PTPRC: variants seen among roughly 807,000 people sequenced by gnomAD.
PTPRC encodes protein tyrosine phosphatase receptor type C, also known as receptor-type tyrosine-protein phosphatase C.
In PTPRC, 44 loss-of-function variants were observed where a neutral mutation model predicts 155.9. The observed-to-expected ratio is 0.28, with a 90% CI of 0.22 to 0.36. The LOEUF is 0.36. Among genes scored for constraint, PTPRC ranks in the 10% least tolerant of loss-of-function variants. The pLI is 1.00. For synonymous variants in PTPRC, 525 were observed against 533.1 expected (o/e 0.98, Z 0.21); for missense variants, 1,401 against 1,564.6 (o/e 0.90, Z 1.76).
Position 198,643,094 on chromosome 1 carries a change from T to C in PTPRC, c.73+3753T>C, listed in dbSNP as rs1662727038. 2.0e-5 allele frequency among the ~76,000 whole-genome samples: 3 copies of C among 151,840 alleles called. No individual in the cohort carries two copies. In the Admixed American group the frequency reaches 2.0e-4, roughly 10 times the overall value. Reference sequence around the variant, plus strand: ...GCAAATCCTACTTCTTCTATTATGTTCTCTTATGTCACTTTTGCCACAAAA... The same window carrying C: ...GCAAATCCTACTTCTTCTATTATGTCCTCTTATGTCACTTTTGCCACAAAA... On this transcript the variant is annotated intron_variant, in intron 2 of 32. Transcript: ENST00000442510.
intron 8 of PTPRC, among the ~76,000 whole-genome samples, chr1:198,705,425 T>G (rs558965769): frequency 1.7e-4 from 25 of 151,008 alleles, no homozygotes; most frequent in African/African-American, 5.6e-4. Flanking sequence ...TCGTTAGTTC[T>G]TTCTTTCTTT....
At chr1:198,656,646 GTTTTTTGTT>G (rs978689094) in intron 2 of PTPRC, among the ~76,000 whole-genome samples, 1 of 86,514 alleles carries the variant, frequency 1.2e-5, no homozygotes, top group Non-Finnish European at 2.2e-5. Flanking sequence ...CTAGTTTTTT[GTTTTTTGTT>G]TTTTTTTTTT....
At chr1:198,755,396 T>TATC (rs1450753041) in intron 32 of PTPRC, among the ~76,000 whole-genome samples, 1 of 152,112 alleles carries the variant, frequency 6.6e-6, no homozygotes, top group African/African-American at 2.4e-5. Flanking sequence ...CTTAAAAATG[T>TATC]ATCAAATGCT....
At chr1:198,650,337 G>C (rs1188052666) in intron 2 of PTPRC, among the ~76,000 whole-genome samples, 1 of 151,860 alleles carries the variant, frequency 6.6e-6, no homozygotes, top group Non-Finnish European at 1.5e-5. Flanking sequence ...GAATAGATTG[G>C]AAGTAAGGCA....
intron 2 of PTPRC, among the ~76,000 whole-genome samples, chr1:198,652,713 C>A (rs1332115279): frequency 2.0e-5 from 3 of 151,622 alleles, no homozygotes; most frequent in Non-Finnish European, 4.4e-5. Context: ...AGAGAGGGAA[C>A]CCAGGAGTCC....
chr1:198,643,993 A>G (rs1031366829), intron 2 of PTPRC, among the ~76,000 whole-genome samples: 19 of 151,848 alleles, frequency 1.3e-4, no homozygotes, highest in Non-Finnish European at 1.5e-4. Context: ...AGGGGCAGAG[A>G]TTTGTACTGA....
chr1:198,664,968 G>T (rs1283163595), intron 2 of PTPRC, among the ~76,000 whole-genome samples: 1 of 151,852 alleles, frequency 6.6e-6, no homozygotes, highest in Non-Finnish European at 1.5e-5. Flanking sequence ...TAATGTTCTC[G>T]GGACTACCAT....
At position 198,732,389 on chromosome 1, in the gene PTPRC, T is replaced by G. The variant is rs1040456149; in HGVS notation, c.2064T>G (p.Pro688=). The G allele has an allele frequency of 1.2e-6, 2 of 1,609,708 alleles. No homozygotes were observed. The stretch of plus-strand genomic sequence containing the variant: ...AAAACCGTTATGTTGACATTCTTCC[T>G]TGTGAGTATTTATTGAGTGCTGAAT... ...QNKNRYVDIL[P]YDYNRVELSE... is the part of the protein sequence containing the mutation. The change falls in exon 19 of 33, where the codon CCT becomes CCG. Residue 688 remains proline, a splice_region_variant and synonymous_variant. Transcript: ENST00000442510.
At chr1:198,649,060 A>G (rs146070315) in intron 2 of PTPRC, among the ~76,000 whole-genome samples, 1 of 151,968 alleles carries the variant, frequency 6.6e-6, no homozygotes, top group Non-Finnish European at 1.5e-5. Context: ...AAGCATATTA[A>G]GTGAACCAGG....
chr1:198,724,641 C>T (rs532022819), intron 15 of PTPRC, among the ~76,000 whole-genome samples: 2 of 151,882 alleles, frequency 1.3e-5, no homozygotes, highest in East Asian at 1.9e-4. Context: ...GTCTTATTTT[C>T]CTGAATCCAA....
intron 5 of PTPRC, 23 bp from the exon 6 acceptor site, chr1:198,702,364 G>T: frequency 6.2e-7 from 1 of 1,614,180 alleles, no homozygotes; most frequent in South Asian, 1.1e-5. Flanking sequence ...AAGTGACAGT[G>T]CTGATGGCCC....
At chr1:198,751,599 T>C (rs1231070004) in intron 29 of PTPRC, among the ~76,000 whole-genome samples, 1 of 152,054 alleles carries the variant, frequency 6.6e-6, no homozygotes, top group African/African-American at 2.4e-5. Context: ...CTTTCCTTCA[T>C]ATAAATTGTG....
At chr1:198,720,210 T>C (rs1558021176) in intron 14 of PTPRC, among the ~76,000 whole-genome samples, 1 of 152,180 alleles carries the variant, frequency 6.6e-6, no homozygotes, top group Non-Finnish European at 1.5e-5. Context: ...GTAGAGACGG[T>C]GTTGGCATAG....
intron 15 of PTPRC, 36 bp downstream of exon 15, chr1:198,722,512 A>G: frequency 8.6e-7 from 1 of 1,162,572 alleles, no homozygotes; most frequent in Non-Finnish European, 1.1e-6. Context: ...ATATATATTA[A>G]GATATATATT....
intron 12 of PTPRC, among the ~76,000 whole-genome samples, chr1:198,713,489 G>T (rs986871450): frequency 6.6e-6 from 1 of 152,058 alleles, no homozygotes; most frequent in African/African-American, 2.4e-5. Context: ...AAAATGTTGG[G>T]TGAATAAAAA....
chr1:198,711,798 T>C (rs1254709099), intron 11 of PTPRC, among the ~76,000 whole-genome samples: 1 of 152,076 alleles, frequency 6.6e-6, no homozygotes, highest in African/African-American at 2.4e-5. Flanking sequence ...CAATTGAAAA[T>C]GGACAAACAT....
intron 25 of PTPRC, 123 bp downstream of exon 25, chr1:198,742,490 T>G (rs1654950005): frequency 8.1e-7 from 1 of 1,233,600 alleles, no homozygotes; most frequent in Non-Finnish European, 1.2e-6. Flanking sequence ...GTAGATGATT[T>G]CCTGAAAACT....
intron 2 of PTPRC, among the ~76,000 whole-genome samples, chr1:198,659,059 T>C (rs911040801): frequency 6.6e-6 from 1 of 152,194 alleles, no homozygotes; most frequent in East Asian, 1.9e-4. Flanking sequence ...AATGATGAAT[T>C]TGAAGTTGAG....
intron 2 of PTPRC, among the ~76,000 whole-genome samples, chr1:198,673,174 T>C (rs541562790): frequency 7.9e-5 from 12 of 152,114 alleles, no homozygotes; most frequent in African/African-American, 2.9e-4. Context: ...ACATTACTTA[T>C]TTTGGGGAAG....
Sources: gnomAD v4.1 joint callset for allele counts (sites outside exome capture counted in the v4.1 genomes callset) on GRCh38, gnomAD v4.1.1 for gene constraint, MANE v1.5 for transcripts, NCBI Gene and HGNC (gene_info 2026-07-23, HGNC 2026-07-21) for gene names.